MDGA2: variants seen among roughly 807,000 people sequenced by gnomAD.
MDGA2 encodes the protein MAM domain containing glycosylphosphatidylinositol anchor 2.
MDGA2 carries 40 observed loss-of-function variants against 117.8 expected under a neutral mutation model. The ratio of observed to expected loss-of-function variants is 0.34; its 90% confidence interval spans 0.26 to 0.44. The LOEUF is 0.44. Among genes scored for constraint, MDGA2 ranks in the 20% least tolerant of loss-of-function variants. The probability of loss-of-function intolerance (pLI) is 1.00; values close to 1 mark genes in which losing one functional copy is unlikely to be tolerated. For missense variants in MDGA2, 1,123 were observed against 1,250.6 expected, an observed-to-expected ratio of 0.90 and a Z score of 1.54; for synonymous variants, 452 against 439.0, an observed-to-expected ratio of 1.03 and a Z score of -0.37.
chr14:47,522,263 T>A (rs1332238765), intron 1 of MDGA2, among the ~76,000 whole-genome samples: 2 of 151,980 alleles, frequency 1.3e-5, no homozygotes, highest in Admixed American at 1.3e-4. Context: ...AACAACATAA[T>A]GTTGTGTTTT....
At chr14:47,250,038 G>C (rs1047119576) in intron 2 of MDGA2, among the ~76,000 whole-genome samples, 1 of 152,212 alleles carries the variant, frequency 6.6e-6, no homozygotes, top group African/African-American at 2.4e-5. Flanking sequence ...AGAATGACAT[G>C]GGTAGAGACA....
chr14:47,329,593 G>A (rs987307315), intron 1 of MDGA2, among the ~76,000 whole-genome samples: 7 of 151,880 alleles, frequency 4.6e-5, no homozygotes, highest in Non-Finnish European at 1.0e-4. Context: ...AGTTGATTAT[G>A]ATCATTTAAT....
chr14:47,106,476 C>G (rs1880686379), intron 5 of MDGA2, among the ~76,000 whole-genome samples: 1 of 151,982 alleles, frequency 6.6e-6, no homozygotes, highest in Admixed American at 6.5e-5. Flanking sequence ...AATCTGGCCA[C>G]TGGGCCAAGG....
intron 1 of MDGA2, among the ~76,000 whole-genome samples, chr14:47,553,040 T>A (rs866128991): frequency 5.9e-5 from 9 of 152,250 alleles, no homozygotes; most frequent in African/African-American, 2.2e-4. Context: ...AAGGCAGGCC[T>A]AACCTGAGGC....
chr14:47,460,181 A>AAG (rs1449653570), intron 1 of MDGA2, among the ~76,000 whole-genome samples: 2 of 152,200 alleles, frequency 1.3e-5, no homozygotes, highest in Non-Finnish European at 2.9e-5. Context: ...AGATATGCCT[A>AAG]ATACAGAAAA....
chr14:46,954,502 T>C (rs1206333561), intron 9 of MDGA2, among the ~76,000 whole-genome samples: 1 of 152,048 alleles, frequency 6.6e-6, no homozygotes, highest in Non-Finnish European at 1.5e-5. Flanking sequence ...TTCCTACTTC[T>C]GTAGAGACTC....
intron 1 of MDGA2, among the ~76,000 whole-genome samples, chr14:47,482,476 C>A (rs533522519): frequency 4.6e-5 from 7 of 151,992 alleles, no homozygotes; most frequent in South Asian, 4.1e-4. Flanking sequence ...TGTCTTTCAC[C>A]GGGCTTCAGC....
At chr14:47,582,401 G>A (rs905838797) in intron 1 of MDGA2, among the ~76,000 whole-genome samples, 1 of 151,830 alleles carries the variant, frequency 6.6e-6, no homozygotes, top group Admixed American at 6.6e-5. Context: ...ACATGTGGCT[G>A]AATCTGATAT....
chr14:46,919,909 T>C (rs1418986934), intron 10 of MDGA2, 103 bp downstream of exon 10: 3 of 1,027,942 alleles, frequency 2.9e-6, no homozygotes, highest in Non-Finnish European at 4.1e-6. Flanking sequence ...CACATATACA[T>C]AAAATATATT....
At chr14:46,994,523 ACAC>A in intron 8 of MDGA2, among the ~76,000 whole-genome samples, 1 of 151,336 alleles carries the variant, frequency 6.6e-6, no homozygotes. Context: ...AAACACACAC[ACAC>A]ACACACACAC....
chr14:47,129,721 GT>G (rs1380349856), intron 5 of MDGA2, among the ~76,000 whole-genome samples: 16 of 144,492 alleles, frequency 1.1e-4, no homozygotes, highest in Non-Finnish European at 2.1e-4. Context: ...GTGTAAAAGT[GT>G]TCCTATTTCT....
chr14:47,170,377 T>G (rs1303420072), intron 3 of MDGA2, among the ~76,000 whole-genome samples: 1 of 152,186 alleles, frequency 6.6e-6, no homozygotes, highest in Non-Finnish European at 1.5e-5. Flanking sequence ...TTTGTTATGA[T>G]TTGTCAGAGC....
In MDGA2 at chr14:46,938,662, T is replaced by C. The variant is rs201331933; in HGVS notation, c.2090-18502A>G. Among the ~76,000 whole-genome samples the C allele has an allele frequency of 6.0e-5, 9 of 150,630 alleles. No homozygotes were observed. The East Asian group carries it at 1.6e-3, about 26-fold the overall frequency. On this transcript the variant is annotated intron_variant, in intron 9 of 16. Transcript: ENST00000399232. ...GAAAGGGGAACTCAAACATTGTTGGTGGGAATGTAAATTAATATAGCCACT... is the reference window on the plus strand; with the variant it reads ...GAAAGGGGAACTCAAACATTGTTGGCGGGAATGTAAATTAATATAGCCACT...
chr14:47,415,543 T>G (rs900450932), intron 1 of MDGA2, among the ~76,000 whole-genome samples: 2 of 152,100 alleles, frequency 1.3e-5, no homozygotes, highest in Non-Finnish European at 2.9e-5. Context: ...TCTCTTACTG[T>G]GCCTGATTTA....
intron 1 of MDGA2, among the ~76,000 whole-genome samples, chr14:47,549,856 C>T (rs1295806537): frequency 6.6e-6 from 1 of 152,138 alleles, no homozygotes; most frequent in African/African-American, 2.4e-5. Context: ...GAAGAGAGCC[C>T]TCACCAGAAA....
intron 5 of MDGA2, among the ~76,000 whole-genome samples, chr14:47,101,134 T>A (rs2416023): frequency 0.074 from 9,952 of 134,790 alleles, 408 homozygotes; most frequent in Admixed American, 0.088. Context: ...GACAGATAGA[T>A]AGAAAGAAAT....
intron 1 of MDGA2, among the ~76,000 whole-genome samples, chr14:47,559,308 T>G (rs1472661443): frequency 3.3e-5 from 5 of 152,174 alleles, no homozygotes; most frequent in Non-Finnish European, 7.3e-5. Flanking sequence ...ATACTTGATG[T>G]TTAGCTGTGG....
At chr14:47,277,426 G>A (rs971252110) in intron 2 of MDGA2, among the ~76,000 whole-genome samples, 1 of 152,136 alleles carries the variant, frequency 6.6e-6, no homozygotes, top group Admixed American at 6.5e-5. Context: ...AACTAGCAAT[G>A]CTCTAGCAGA....
intron 2 of MDGA2, among the ~76,000 whole-genome samples, chr14:47,286,824 T>TATATATACACAC (rs1491236673): frequency 1.9e-5 from 2 of 104,250 alleles, no homozygotes; most frequent in South Asian, 2.7e-4. Flanking sequence ...TATATATATA[T>TATATATACACAC]ACATATATAT....
Sources: allele counts gnomAD v4.1 joint callset (sites outside exome capture counted in the v4.1 genomes callset), GRCh38; gene constraint gnomAD v4.1.1; transcripts MANE v1.5; gene names NCBI Gene and HGNC (gene_info 2026-07-23, HGNC 2026-07-21).